Variants in NSMCE2 observed in about 807,000 individuals in gnomAD.
The protein encoded by NSMCE2 is E3 SUMO-protein ligase NSE2.
Under a neutral mutation model 23.8 loss-of-function variants are expected in NSMCE2, and 24 were observed. That is an observed-to-expected ratio of 1.01 (90% CI 0.73 to 1.42). The LOEUF is 1.42. Ranked by LOEUF, NSMCE2 falls within the 40% of genes most tolerant of loss-of-function variation. NSMCE2 has a pLI of 0.00. For missense variants in NSMCE2, 284 were observed against 296.5 expected (o/e 0.96, Z 0.31); for synonymous variants, 92 against 94.1 (o/e 0.98, Z 0.13).
chr8:125,100,341 A>G (rs755393665), intron 1 of NSMCE2, among the ~76,000 whole-genome samples: 1 of 152,058 alleles, frequency 6.6e-6, no homozygotes, highest in Non-Finnish European at 1.5e-5. Context: ...CCTTTGCCTG[A>G]ATGCCCTTCT....
chr8:125,132,484 T>C (rs1028744296), intron 3 of NSMCE2, among the ~76,000 whole-genome samples: 1 of 146,722 alleles, frequency 6.8e-6, no homozygotes, highest in Admixed American at 6.7e-5. Context: ...ATTTTTAAAT[T>C]AAAAAAAAAT....
At chr8:125,103,149 AC>A (rs1201142545) in intron 3 of NSMCE2, among the ~76,000 whole-genome samples, 1 of 152,134 alleles carries the variant, frequency 6.6e-6, no homozygotes, top group Non-Finnish European at 1.5e-5. Context: ...TACTAAAAAT[AC>A]AAAAAATTAG....
At chr8:125,114,518 A>C (rs1818904564) in intron 3 of NSMCE2, among the ~76,000 whole-genome samples, 1 of 152,236 alleles carries the variant, frequency 6.6e-6, no homozygotes, top group South Asian at 2.1e-4. Flanking sequence ...GTATACATAC[A>C]TACGTACATA....
intron 5 of NSMCE2, among the ~76,000 whole-genome samples, chr8:125,272,958 TC>T (rs1351803224): frequency 6.6e-6 from 1 of 152,000 alleles, no homozygotes; most frequent in African/African-American, 2.4e-5. Flanking sequence ...TTGAAACCCC[TC>T]CCAAGAGGGA....
intron 5 of NSMCE2, among the ~76,000 whole-genome samples, chr8:125,303,217 T>C (rs1828630581): frequency 6.6e-6 from 1 of 152,176 alleles, no homozygotes; most frequent in Non-Finnish European, 1.5e-5. Context: ...CAGCTTTGAC[T>C]CAGGAGAGCC....
chr8:125,240,218 G>A (rs771595586), intron 5 of NSMCE2, among the ~76,000 whole-genome samples: 12 of 151,050 alleles, frequency 7.9e-5, no homozygotes, highest in African/African-American at 2.4e-4. Context: ...TCCTCCTCCC[G>A]GGTTCAAGCC....
At chr8:125,143,556 A>G (rs766937870) in intron 3 of NSMCE2, among the ~76,000 whole-genome samples, 7 of 152,296 alleles carry the variant, frequency 4.6e-5, no homozygotes, top group Middle Eastern at 3.4e-3. Context: ...CTAAATGTCT[A>G]CTTTGTCTTA....
At chr8:125,344,066 G>T (rs1283591819) in intron 5 of NSMCE2, among the ~76,000 whole-genome samples, 2 of 152,122 alleles carry the variant, frequency 1.3e-5, no homozygotes, top group Non-Finnish European at 2.9e-5. Context: ...AAATACAAGG[G>T]ATTGAAATGG....
intron 5 of NSMCE2, among the ~76,000 whole-genome samples, chr8:125,188,333 A>T (rs116474984): frequency 1.6e-3 from 238 of 152,326 alleles, no homozygotes; most frequent in African/African-American, 5.3e-3. Flanking sequence ...GAACTCCAGC[A>T]TGAGGCCTAG....
At chr8:125,344,754 AAG>A (rs2131335372) in intron 5 of NSMCE2, among the ~76,000 whole-genome samples, 1 of 151,558 alleles carries the variant, frequency 6.6e-6, no homozygotes, top group African/African-American at 2.4e-5. Flanking sequence ...AAAAAAAAAA[AAG>A]AAAAGAAAAT....
intron 5 of NSMCE2, among the ~76,000 whole-genome samples, chr8:125,229,470 A>C (rs867990649): frequency 9.2e-5 from 14 of 152,216 alleles, no homozygotes; most frequent in Admixed American, 5.9e-4. Context: ...TTTAAGAATA[A>C]TGAGGGAAGG....
At chr8:125,124,222 GTACTT>G (rs1224242811) in intron 3 of NSMCE2, 1 of 152,112 alleles carries the variant, frequency 6.6e-6, no homozygotes, top group East Asian at 1.9e-4. Flanking sequence ...GTATCAGTAA[GTACTT>G]TATTCCTTTT....
intron 5 of NSMCE2, among the ~76,000 whole-genome samples, chr8:125,277,594 C>T (rs1827512206): frequency 1.3e-5 from 2 of 151,948 alleles, no homozygotes; most frequent in South Asian, 4.2e-4. Flanking sequence ...GCAAGCTCCG[C>T]CTCCCAGGTT....
At chr8:125,223,219 A>G (rs2130922502) in intron 5 of NSMCE2, among the ~76,000 whole-genome samples, 1 of 150,784 alleles carries the variant, frequency 6.6e-6, no homozygotes, top group East Asian at 2.0e-4. Context: ...TTAGCCAGAC[A>G]TGGTGGTACA....
At chr8:125,227,039 T>C (rs1825126420) in intron 5 of NSMCE2, among the ~76,000 whole-genome samples, 1 of 152,136 alleles carries the variant, frequency 6.6e-6, no homozygotes, top group African/African-American at 2.4e-5. Flanking sequence ...TTCACAGCCA[T>C]GTCTGGTGCA....
At chr8:125,349,058 CA>C (rs1812915723) in intron 5 of NSMCE2, among the ~76,000 whole-genome samples, 17 of 139,530 alleles carry the variant, frequency 1.2e-4, no homozygotes, top group Admixed American at 1.2e-3. Flanking sequence ...CACACACACA[CA>C]CACAGAGCTC....
chr8:125,270,772 C>T (rs182741037), intron 5 of NSMCE2: 3 of 152,230 alleles, frequency 2.0e-5, no homozygotes. Flanking sequence ...CACCAGGTTG[C>T]CTAAGGAGGG....
At chr8:125,159,500 A>G (rs902672724) in intron 4 of NSMCE2, among the ~76,000 whole-genome samples, 3 of 152,220 alleles carry the variant, frequency 2.0e-5, no homozygotes, top group Non-Finnish European at 4.4e-5. Context: ...GGCTTACTAT[A>G]GAGCCCAGGA....
intron 2 of NSMCE2, 54 bp downstream of exon 2, chr8:125,102,200 G>A (rs1024970445): frequency 1.3e-5 from 9 of 715,828 alleles, no homozygotes; most frequent in Admixed American, 7.4e-5. Context: ...GAATAGTGTG[G>A]CATTTATGAG....
Sources: gnomAD v4.1 joint callset for allele counts (sites outside exome capture counted in the v4.1 genomes callset) on GRCh38, gnomAD v4.1.1 for gene constraint, MANE v1.5 for transcripts, NCBI Gene and HGNC (gene_info 2026-07-23, HGNC 2026-07-21) for gene names.